Variants in F13A1 observed in about 807,000 individuals in gnomAD.
F13A1 encodes FSF, A subunit.
F13A1 carries 47 observed loss-of-function variants against 80.1 expected under a neutral mutation model. The observed-to-expected ratio is 0.59, with a 90% CI of 0.46 to 0.75. The LOEUF is 0.75. F13A1 is among the 30% of genes least tolerant of loss of function. The pLI is 0.00. For synonymous variants in F13A1, 349 were observed against 344.9 expected, an observed-to-expected ratio of 1.01 and a Z score of -0.13; for missense variants, 817 against 930.4, an observed-to-expected ratio of 0.88 and a Z score of 1.59.
At chr6:6,238,542 CT>C (rs1415980671) in intron 6 of F13A1, among the ~76,000 whole-genome samples, 1 of 151,932 alleles carries the variant, frequency 6.6e-6, no homozygotes, top group East Asian at 1.9e-4. Flanking sequence ...AATTTAAAAA[CT>C]TTTGTTACTT....
At chr6:6,260,991 T>TG (rs1490285064) in intron 4 of F13A1, among the ~76,000 whole-genome samples, 1 of 152,144 alleles carries the variant, frequency 6.6e-6, no homozygotes, top group Non-Finnish European at 1.5e-5. Context: ...TTTTTTGAGA[T>TG]GGAGTCTCAC....
intron 13 of F13A1, among the ~76,000 whole-genome samples, chr6:6,165,334 A>G (rs2151072149): frequency 6.6e-6 from 1 of 152,372 alleles, no homozygotes; most frequent in East Asian, 1.9e-4. Context: ...CTCTTTAAGT[A>G]AACCCAGAAG....
In F13A1 at chr6:6,301,901, T is replaced by A. The variant is rs113495189; in HGVS notation, c.319+3450A>T. ...ATCCAACCCATAGCTAGAGTTCACC[T>A]TGAGATCCACGGGGGCCCTGTCTGC... On this transcript the variant is annotated intron_variant, in intron 3 of 14. Coordinates refer to ENST00000264870, the MANE Select transcript of F13A1 (RefSeq NM_000129.4). Among the ~76,000 whole-genome samples the A allele has an allele frequency of 1.9e-3, 288 of 152,320 alleles. 1 individual carries two copies. Among genetic ancestry groups the A allele is most frequent in the African/African-American group, 6.8e-3 (282 of 41,586 alleles).
Position 6,285,685 on chromosome 6 carries a change from C to G in F13A1, c.320-18876G>C, listed in dbSNP as rs190905745. On this transcript the variant is annotated intron_variant, in intron 3 of 14. Transcript: ENST00000264870. ...GAGTAGGGGAGGAGAGGGCTTCCCCCACTACGCACACACCAGGAATGGCAG... is the reference window on the plus strand; with the variant it reads ...GAGTAGGGGAGGAGAGGGCTTCCCCGACTACGCACACACCAGGAATGGCAG... 1.1e-3 allele frequency among the ~76,000 whole-genome samples: 172 copies of G among 152,324 alleles called. 1 individual carries two copies. The highest frequency in any genetic ancestry group is 3.7e-3 in the African/African-American group (154 of 41,560).
intron 6 of F13A1, 115 bp from the exon 7 acceptor site, chr6:6,224,975 A>C: frequency 9.2e-7 from 1 of 1,090,768 alleles, no homozygotes; most frequent in Non-Finnish European, 1.4e-6. Flanking sequence ...GTGCCCAGTG[A>C]AAAGAGTTCC....
At chr6:6,299,882 A>T (rs1410411188) in intron 3 of F13A1, among the ~76,000 whole-genome samples, 1 of 146,956 alleles carries the variant, frequency 6.8e-6, no homozygotes, top group Non-Finnish European at 1.5e-5. Flanking sequence ...TTGTGGTTTT[A>T]TCTACTTTTG....
At position 6,220,256 on chromosome 6, in the gene F13A1, G is replaced by T. The variant is rs533649638; in HGVS notation, c.1112+1777C>A. ...GGCAGTGGTCTGCAGTGGAGGGTGG[G>T]TGAGGGTCCCAGGCCAGGAAGAACA... On this transcript the variant is annotated intron_variant, in intron 8 of 14. Coordinates refer to ENST00000264870, the MANE Select transcript of F13A1 (RefSeq NM_000129.4). Among the ~76,000 whole-genome samples, 299 of 152,342 alleles carry T rather than the reference G, an allele frequency of 2.0e-3. 3 individuals carry two copies. Among genetic ancestry groups the T allele is most frequent in the African/African-American group, 7.0e-3 (290 of 41,576 alleles).
intron 3 of F13A1, among the ~76,000 whole-genome samples, chr6:6,299,984 G>T (rs1281648548): frequency 2.7e-5 from 4 of 147,294 alleles, no homozygotes; most frequent in African/African-American, 1.1e-4. Flanking sequence ...ACACTCAGCT[G>T]CAGGTCTGTT....
intron 9 of F13A1, among the ~76,000 whole-genome samples, chr6:6,196,639 T>C (rs1561651151): frequency 6.6e-6 from 1 of 152,210 alleles, no homozygotes. Context: ...GTCTACTGAT[T>C]CTTTATATTA....
At chr6:6,228,372 C>T (rs1757304534) in intron 6 of F13A1, among the ~76,000 whole-genome samples, 1 of 152,132 alleles carries the variant, frequency 6.6e-6, no homozygotes, top group African/African-American at 2.4e-5. Flanking sequence ...CTAACCTTAA[C>T]CATCTTACCA....
At chr6:6,253,809 G>A (rs920127874) in intron 4 of F13A1, among the ~76,000 whole-genome samples, 2 of 152,156 alleles carry the variant, frequency 1.3e-5, no homozygotes, top group Admixed American at 1.3e-4. Flanking sequence ...TAATAAAGAT[G>A]GCCCTTAAAA....
In F13A1 at chr6:6,243,470, T is replaced by C. The variant is rs1326258219; in HGVS notation, c.798+4842A>G. The stretch of plus-strand genomic sequence containing the variant: ...CCTATGGCTATTTAGAATCCTCTGA[T>C]TGATACCTTTCTTCACTTATTCCCC... On this transcript the variant is annotated intron_variant, in intron 6 of 14. Transcript: ENST00000264870. The surrounding 1 kb of genome is among the most constrained non-coding windows in gnomAD (Gnocchi z 4.2). Among the ~76,000 whole-genome samples the C allele has an allele frequency of 6.6e-6, 1 of 152,212 alleles. No homozygotes were observed.
chr6:6,292,105 A>G (rs1758231767), intron 3 of F13A1, among the ~76,000 whole-genome samples: 2 of 152,152 alleles, frequency 1.3e-5, no homozygotes, highest in Non-Finnish European at 2.9e-5. Context: ...TTCAACCATT[A>G]TCTCATGGGA....
chr6:6,267,432 A>G (rs1757860381), intron 3 of F13A1, among the ~76,000 whole-genome samples: 1 of 152,164 alleles, frequency 6.6e-6, no homozygotes, highest in Non-Finnish European at 1.5e-5. Context: ...CCACCTGCAT[A>G]AGCATGTTTG....
intron 11 of F13A1, 105 bp downstream of exon 11, chr6:6,181,883 T>C (rs575526361): frequency 2.4e-6 from 3 of 1,248,270 alleles, no homozygotes; most frequent in African/African-American, 2.9e-5. Context: ...TGCTACCAAA[T>C]GCTGCAAATG....
At chr6:6,210,556 C>A (rs1295618200) in intron 8 of F13A1, among the ~76,000 whole-genome samples, 2 of 141,900 alleles carry the variant, frequency 1.4e-5, no homozygotes, top group Non-Finnish European at 3.0e-5. Flanking sequence ...CAATGCCTGG[C>A]TAATTTTTCT....
At position 6,312,534 on chromosome 6, in the gene F13A1, T is replaced by C. The variant is rs150508390; in HGVS notation, c.130+6001A>G. ...AAAAAAAAAAAAAAGAAAAGTTAGC[T>C]GGTCGTGGTGGCACGTGCCTGTAGT... is the stretch of plus-strand genomic sequence containing the variant. On this transcript the variant is annotated intron_variant, in intron 2 of 14. Coordinates refer to ENST00000264870, the MANE Select transcript of F13A1 (RefSeq NM_000129.4). Among the ~76,000 whole-genome samples, 2 of 23,442 alleles carry C rather than the reference T, an allele frequency of 8.5e-5. 1 individual carries two copies. Among genetic ancestry groups the C allele is most frequent in the African/African-American group, 6.1e-4 (2 of 3,286 alleles). 15.4% of individuals were successfully genotyped at this position (23,442 alleles called of 152,430 possible).
chr6:6,301,397 C>T (rs1758429217), intron 3 of F13A1, among the ~76,000 whole-genome samples: 1 of 152,166 alleles, frequency 6.6e-6, no homozygotes, highest in African/African-American at 2.4e-5. Flanking sequence ...CTTGTATCTA[C>T]AACAGGTTGG....
intron 6 of F13A1, among the ~76,000 whole-genome samples, chr6:6,226,638 G>T (rs1424442924): frequency 6.6e-6 from 1 of 152,034 alleles, no homozygotes; most frequent in Non-Finnish European, 1.5e-5. Flanking sequence ...TTCCCCGCTG[G>T]TTTATCAATT....
Sources: gnomAD v4.1 joint callset for allele counts (sites outside exome capture counted in the v4.1 genomes callset) on GRCh38, gnomAD v4.1.1 for gene constraint, Gnocchi (gnomAD v3.1) non-coding constraint, MANE v1.5 for transcripts, NCBI Gene and HGNC (gene_info 2026-07-23, HGNC 2026-07-21) for gene names.